The following NPAT variants were observed in gnomAD, a reference collection of about 807,000 sequenced individuals.
NPAT encodes the protein protein NPAT.
A neutral mutation model predicts 130.7 loss-of-function variants in NPAT; 52 were observed. The ratio of observed to expected loss-of-function variants is 0.40; its 90% CI spans 0.32 to 0.50. The LOEUF is 0.50. NPAT is among the 20% of genes least tolerant of loss of function. The pLI, the probability that NPAT is intolerant of heterozygous loss-of-function variation, is 0.68. For missense variants in NPAT, 1,687 were observed against 1,662.6 expected, an observed-to-expected ratio of 1.01 and a Z score of -0.26; for synonymous variants, 580 against 584.8, an observed-to-expected ratio of 0.99 and a Z score of 0.12.
At position 108,162,158 on chromosome 11, in the gene NPAT, C is replaced by T; in HGVS notation, c.3033G>A (p.Val1011=). 6.2e-7 allele frequency: 1 copy of T among 1,613,852 alleles called. No homozygotes were observed. The highest frequency in any genetic ancestry group is 2.2e-5 in the East Asian group (1 of 44,858). ...PCIGKQVNNL[V]DSSGHSVGCH... is the part of the protein sequence containing the mutation. ...ATCCAACTGAATGACCTGACGAATC[C>T]ACCAAATTATTTACTTGTTTTCCTG... Residue 1011 remains valine (V), a synonymous_variant, in exon 16 of 18, where the codon GTG becomes GTA. Transcript: ENST00000278612.
At chr11:108,163,981 T>A (rs775476731) in intron 15 of NPAT, among the ~76,000 whole-genome samples, 2 of 152,096 alleles carry the variant, frequency 1.3e-5, no homozygotes, top group Non-Finnish European at 2.9e-5. Flanking sequence ...GAAACATATA[T>A]AGAAGATAAG....
At chr11:108,176,790 A>G (rs1024209635) in intron 11 of NPAT, among the ~76,000 whole-genome samples, 1 of 152,260 alleles carries the variant, frequency 6.6e-6, no homozygotes, top group Admixed American at 6.5e-5. Flanking sequence ...ATAAAAAACA[A>G]AACTACTCTC....
intron 15 of NPAT, among the ~76,000 whole-genome samples, chr11:108,164,916 CAGA>C (rs1366018234): frequency 5.9e-5 from 9 of 152,106 alleles, no homozygotes; most frequent in Non-Finnish European, 8.8e-5. Context: ...GAGGCTGAGG[CAGA>C]AGAATTGCTT....
intron 1 of NPAT, among the ~76,000 whole-genome samples, chr11:108,213,435 T>G (rs554618907): frequency 1.3e-5 from 2 of 152,048 alleles, no homozygotes; most frequent in Non-Finnish European, 2.9e-5. Flanking sequence ...AATAAAATAC[T>G]TAGGAATAAG....
At chr11:108,182,770 G>C (rs374734540) in intron 10 of NPAT, among the ~76,000 whole-genome samples, 2 of 152,228 alleles carry the variant, frequency 1.3e-5, no homozygotes, top group Non-Finnish European at 2.9e-5. Context: ...GATTACAGGC[G>C]TGAGCCACCA....
intron 10 of NPAT, among the ~76,000 whole-genome samples, chr11:108,182,704 G>T (rs2078068940): frequency 6.6e-6 from 1 of 152,206 alleles, no homozygotes; most frequent in African/African-American, 2.4e-5. Context: ...GGGCAAGGCT[G>T]GTCTCCAACC....
intron 1 of NPAT, among the ~76,000 whole-genome samples, chr11:108,209,980 T>G (rs953980003): frequency 1.6e-5 from 2 of 125,678 alleles, no homozygotes; most frequent in African/African-American, 6.2e-5. Flanking sequence ...ATAAGCAGAG[T>G]ATACATAAAT....
chr11:108,206,834 G>C (rs953151093), intron 1 of NPAT, among the ~76,000 whole-genome samples: 4 of 152,234 alleles, frequency 2.6e-5, no homozygotes, highest in Non-Finnish European at 5.9e-5. Context: ...CTGAGTGACA[G>C]AACAGCCCTC....
chr11:108,177,616 C>A (rs1009543205), intron 10 of NPAT, among the ~76,000 whole-genome samples: 5 of 152,274 alleles, frequency 3.3e-5, no homozygotes, highest in African/African-American at 1.2e-4. Flanking sequence ...CCTAATCCTA[C>A]TTCTTAGAGG....
In NPAT at chr11:108,157,912, A is replaced by T. The variant is rs2077811255; in HGVS notation, c.*1030T>A. 1 of 152,548 alleles carries T rather than the reference A, an allele frequency of 6.6e-6. No individual in the cohort carries two copies. Among genetic ancestry groups the T allele is most frequent in the Admixed American group, 6.5e-5 (1 of 15,276 alleles). The allele number at this position is 152,548 out of a possible 1,614,324, so 9.4% of individuals were successfully genotyped here. A position where few individuals can be genotyped will look rare whatever the true frequency, so the allele number is the denominator to read the frequency against. On this transcript the variant is annotated 3_prime_UTR_variant, in exon 18 of 18. Coordinates refer to ENST00000278612, the MANE Select transcript of NPAT (RefSeq NM_002519.3). ...GAAACTCTTTGTAACACTTTAAGGG[A>T]CACAGACAATGCACTATATCTAAGT...
intron 1 of NPAT, among the ~76,000 whole-genome samples, chr11:108,208,052 G>C (rs1284319180): frequency 6.6e-6 from 1 of 152,312 alleles, no homozygotes; most frequent in East Asian, 1.9e-4. Flanking sequence ...TGAAATGCTT[G>C]GGACCAGAAG....
chr11:108,177,135 A>G (rs1467337454), intron 10 of NPAT, 45 bp from the exon 11 acceptor site: 1 of 961,092 alleles, frequency 1.0e-6, no homozygotes, highest in African/African-American at 1.6e-5. Flanking sequence ...AACTGAATTT[A>G]TATATATTTA....
intron 1 of NPAT, among the ~76,000 whole-genome samples, chr11:108,214,631 A>ATTT (rs575646719): frequency 4.3e-5 from 6 of 140,392 alleles, no homozygotes; most frequent in East Asian, 4.1e-4. Flanking sequence ...TATGATTCCA[A>ATTT]TTTTTTTTTT....
At chr11:108,169,672 A>C in intron 15 of NPAT, 72 bp downstream of exon 15, 1 of 1,091,474 alleles carries the variant, frequency 9.2e-7, no homozygotes, top group African/African-American at 1.5e-5. Flanking sequence ...CAGAAAGAAA[A>C]CATTTAGGTG....
intron 1 of NPAT, among the ~76,000 whole-genome samples, chr11:108,221,890 T>C (rs1223401220): frequency 6.6e-6 from 1 of 152,190 alleles, no homozygotes; most frequent in Non-Finnish European, 1.5e-5. Context: ...TTTAAGGCAA[T>C]TAACCCTCTG....
At chr11:108,165,472 A>ATATATATAT (rs1555039325) in intron 15 of NPAT, among the ~76,000 whole-genome samples, 8 of 129,782 alleles carry the variant, frequency 6.2e-5, no homozygotes, top group Non-Finnish European at 1.3e-4. Context: ...ATATATATAT[A>ATATATATAT]TTTTTTTTTT....
chr11:108,219,861 T>C (rs1332400552), intron 1 of NPAT, among the ~76,000 whole-genome samples: 1 of 152,200 alleles, frequency 6.6e-6, no homozygotes, highest in African/African-American at 2.4e-5. Context: ...CAATGAGACA[T>C]GATAAGGTTG....
chr11:108,201,982 G>A (rs1383465647), intron 1 of NPAT, among the ~76,000 whole-genome samples: 1 of 152,132 alleles, frequency 6.6e-6, no homozygotes, highest in African/African-American at 2.4e-5. Flanking sequence ...GATCCATAAA[G>A]CAGGGTATGC....
At chr11:108,190,397 A>C (rs1225342322) in intron 5 of NPAT, 63 bp downstream of exon 5, 4 of 1,240,824 alleles carry the variant, frequency 3.2e-6, no homozygotes, top group Non-Finnish European at 4.8e-6. Flanking sequence ...AATGAATTAA[A>C]ATGTTCATCT....
Sources: allele counts gnomAD v4.1 joint callset (sites outside exome capture counted in the v4.1 genomes callset), GRCh38; gene constraint gnomAD v4.1.1; transcripts MANE v1.5; gene names NCBI Gene and HGNC (gene_info 2026-07-23, HGNC 2026-07-21).